FRAS1: variants seen among roughly 807,000 people sequenced by gnomAD.
FRAS1 encodes the protein extracellular matrix organizing protein FRAS1.
Under a neutral mutation model 435.2 loss-of-function variants are expected in FRAS1, and 290 were observed. The ratio of observed to expected loss-of-function variants is 0.67; its 90% CI spans 0.61 to 0.73. The LOEUF is 0.73. Among genes scored for constraint, FRAS1 ranks in the 30% least tolerant of loss-of-function variants. The probability of loss-of-function intolerance (pLI) is 0.00; values close to 1 mark genes in which losing one functional copy is unlikely to be tolerated. For missense variants in FRAS1, 4,860 were observed against 5,001.5 expected (o/e 0.97, Z 0.85); for synonymous variants, 1,800 against 1,851.0 (o/e 0.97, Z 0.71).
chr4:78,518,445 T>C (rs1373930337), intron 66 of FRAS1, among the ~76,000 whole-genome samples: 3 of 132,520 alleles, frequency 2.3e-5, no homozygotes, highest in Non-Finnish European at 4.8e-5. Context: ...TATATATATA[T>C]ATATATATTT....
intron 14 of FRAS1, among the ~76,000 whole-genome samples, chr4:78,307,336 C>T (rs866676938): frequency 5.3e-5 from 8 of 152,348 alleles, no homozygotes; most frequent in Middle Eastern, 3.4e-3. Context: ...TGCCCTGCCC[C>T]CAGAGGTGGA....
At chr4:78,071,909 A>C (rs945226563) in intron 2 of FRAS1, 3 of 152,178 alleles carry the variant, frequency 2.0e-5, no homozygotes, top group South Asian at 2.1e-4. Context: ...GAAAAGTAAT[A>C]CAAAGTTTGT....
rs535527511 is a variant in FRAS1 at position 78,432,521 on chromosome 4, C to T, written c.5134C>T (p.Arg1712Ter). The T allele has an allele frequency of 4.3e-6, 7 of 1,612,688 alleles. No homozygotes were observed. Among genetic ancestry groups the T allele is most frequent in the Non-Finnish European group, 5.9e-6 (7 of 1,179,428 alleles). Residue 1712 changes from arginine to a stop codon, truncating the protein, a stop_gained, in exon 38 of 74, where the codon CGA becomes TGA. Coordinates refer to ENST00000512123, the MANE Select transcript of FRAS1 (RefSeq NM_025074.7). LOFTEE classifies it high-confidence loss of function. ...GTCCCTGTCAGAAGACCGAGGGCCT[C>T]GACTGGCTGCTGGCTCCTCTCTGAG... is the stretch of plus-strand genomic sequence containing the variant. ...EVSLSEDRGPRLAAGSSLSIT... is the reference protein window; with the variant it reads ...EVSLSEDRGP
rs780222992 is a variant in FRAS1 at position 78,519,502 on chromosome 4, A to AC, written c.10540+22dup. ...AACAGGTATGCCCACTGACGCCTTAACTATCCCTTTAGTTAGGGCTTCACT... is the reference window on the plus strand; with the variant it reads ...AACAGGTATGCCCACTGACGCCTTAACCTATCCCTTTAGTTAGGGCTTCACT... On this transcript the variant is annotated intron_variant, in intron 67 of 73. Coordinates refer to ENST00000512123, the MANE Select transcript of FRAS1 (RefSeq NM_025074.7). 1.4e-5 allele frequency: 22 copies of AC among 1,601,796 alleles called. No homozygotes were observed. The Admixed American group carries it at 3.7e-4, about 27-fold the overall frequency.
chr4:78,207,789 G>A (rs1183935021), intron 2 of FRAS1, among the ~76,000 whole-genome samples: 3 of 152,066 alleles, frequency 2.0e-5, no homozygotes, highest in Non-Finnish European at 4.4e-5. Context: ...TCCTTTGCAG[G>A]GTGAGTAAAT....
intron 2 of FRAS1, among the ~76,000 whole-genome samples, chr4:78,228,487 A>G (rs1286221611): frequency 2.0e-5 from 3 of 152,140 alleles, no homozygotes; most frequent in African/African-American, 4.8e-5. Flanking sequence ...CTGTATTTCT[A>G]TTGCTTCAGA....
chr4:78,426,390 A>G (rs1307580597), intron 35 of FRAS1, among the ~76,000 whole-genome samples: 1 of 152,060 alleles, frequency 6.6e-6, no homozygotes, highest in Non-Finnish European at 1.5e-5. Context: ...CTGACCTTAA[A>G]TTATCTTGCT....
rs775632477 is a variant in FRAS1, at chr4:78,496,798, G to C, written c.8959-7G>C. 1 of 1,609,878 alleles carries C rather than the reference G, an allele frequency of 6.2e-7. No homozygotes were observed. Among genetic ancestry groups the C allele is most frequent in the African/African-American group, 1.3e-5 (1 of 74,740 alleles). On this transcript the variant is annotated splice_polypyrimidine_tract_variant and splice_region_variant and intron_variant, in intron 59 of 73. Transcript: ENST00000512123. Reference sequence around the variant, plus strand: ...AATTTTAATCTGTCTTGTGCCATTGGCTCTAGGTGAAGAACTGTACGGTCT... The same window carrying C: ...AATTTTAATCTGTCTTGTGCCATTGCCTCTAGGTGAAGAACTGTACGGTCT...
intron 22 of FRAS1, among the ~76,000 whole-genome samples, chr4:78,366,882 A>C (rs1401813336): frequency 6.6e-6 from 1 of 152,206 alleles, no homozygotes; most frequent in East Asian, 1.9e-4. Context: ...GTACCTACAG[A>C]ACTGCTCTGT....
At chr4:78,273,711 T>G (rs1378399585) in intron 9 of FRAS1, among the ~76,000 whole-genome samples, 4 of 152,196 alleles carry the variant, frequency 2.6e-5, no homozygotes, top group African/African-American at 9.6e-5. Flanking sequence ...CTGGATTTGG[T>G]TTGCCAGTAT....
rs1560545944 is a variant in FRAS1 at position 78,140,658 on chromosome 4, T to TATATACATATGTGTATATGTATATGC, written c.108+74662_108+74687dup. ...ATACATATGTGTATATGTATATACG[T>TATATACATATGTGTATATGTATATGC]ATATACATATGTGTATATGTATATG... On this transcript the variant is annotated intron_variant, in intron 2 of 73. Transcript: ENST00000512123. Among the ~76,000 whole-genome samples the TATATACATATGTGTATATGTATATGC allele has an allele frequency of 1.0e-3, 143 of 139,934 alleles. 7 individuals carry two copies. The East Asian group carries it at 0.027, about 26-fold the overall frequency. 91.8% of individuals were successfully genotyped at this position (139,934 alleles called of 152,430 possible).
chr4:78,436,647 C>T (rs779601813), intron 38 of FRAS1, among the ~76,000 whole-genome samples: 2 of 151,782 alleles, frequency 1.3e-5, no homozygotes, highest in Non-Finnish European at 2.9e-5. Flanking sequence ...ATTATAGCGA[C>T]GTCCAACAGT....
intron 32 of FRAS1, among the ~76,000 whole-genome samples, chr4:78,418,535 C>A (rs1284557640): frequency 1.3e-5 from 2 of 152,152 alleles, no homozygotes; most frequent in Admixed American, 1.3e-4. Flanking sequence ...CAGAGCCAGA[C>A]CCTGTCTCTT....
intron 30 of FRAS1, among the ~76,000 whole-genome samples, chr4:78,404,209 A>T (rs1487601212): frequency 6.6e-6 from 1 of 152,178 alleles, no homozygotes; most frequent in Non-Finnish European, 1.5e-5. Flanking sequence ...TCTCAAAATA[A>T]TTCATGGAGA....
At chr4:78,211,527 A>T (rs1432585241) in intron 2 of FRAS1, among the ~76,000 whole-genome samples, 1 of 152,152 alleles carries the variant, frequency 6.6e-6, no homozygotes, top group Admixed American at 6.5e-5. Context: ...TGTGGCAAGC[A>T]TTTGTCTGAG....
intron 38 of FRAS1, among the ~76,000 whole-genome samples, chr4:78,436,724 A>G (rs1026374498): frequency 2.6e-5 from 4 of 152,096 alleles, no homozygotes; most frequent in South Asian, 2.1e-4. Flanking sequence ...AGTCAACTTC[A>G]TATTTCTTTT....
intron 15 of FRAS1, among the ~76,000 whole-genome samples, chr4:78,309,912 T>G (rs1333788302): frequency 6.6e-6 from 1 of 152,202 alleles, no homozygotes; most frequent in Admixed American, 6.5e-5. Context: ...CATAAAACTT[T>G]CTTGAGTTAT....
chr4:78,298,207 C>T (rs974300580), intron 14 of FRAS1, among the ~76,000 whole-genome samples: 5 of 147,958 alleles, frequency 3.4e-5, no homozygotes, highest in African/African-American at 7.4e-5. Flanking sequence ...TATACTTAGC[C>T]TTATAAAATA....
At chr4:78,181,679 AT>A in intron 2 of FRAS1, 1 of 1,609,830 alleles carries the variant, frequency 6.2e-7, no homozygotes, top group Non-Finnish European at 8.5e-7. Context: ...TCTATCAATT[AT>A]TTTCCCCTCA....
Sources: allele counts gnomAD v4.1 joint callset (sites outside exome capture counted in the v4.1 genomes callset), GRCh38; gene constraint gnomAD v4.1.1; transcripts MANE v1.5; gene names NCBI Gene and HGNC (gene_info 2026-07-23, HGNC 2026-07-21).